RPH3A: variants seen among roughly 807,000 people sequenced by gnomAD.
RPH3A encodes rabphilin 3A, also known as rabphilin-3A.
Under a neutral mutation model 102.2 loss-of-function variants are expected in RPH3A, and 48 were observed. That is an observed-to-expected ratio of 0.47 (90% CI 0.37 to 0.60). The LOEUF (loss-of-function observed/expected upper bound fraction) is 0.60. Among genes scored for constraint, RPH3A ranks in the 20% least tolerant of loss-of-function variants. The pLI is 0.00. For synonymous variants in RPH3A, 310 were observed against 324.3 expected (o/e 0.96, Z 0.47); for missense variants, 781 against 910.1 (o/e 0.86, Z 1.83).
chr12:112,604,448 A>G (rs2039580994), intron 1 of RPH3A, among the ~76,000 whole-genome samples: 1 of 152,208 alleles, frequency 6.6e-6, no homozygotes, highest in Admixed American at 6.5e-5. Context: ...TATATTCAGC[A>G]ACTACAACAT....
intron 16 of RPH3A, among the ~76,000 whole-genome samples, chr12:112,886,267 T>A (rs572523510): frequency 6.6e-6 from 1 of 152,252 alleles, no homozygotes; most frequent in South Asian, 2.1e-4. Flanking sequence ...TGACTGGTCC[T>A]TTTGGTCTCC....
chr12:112,866,686 T>C, intron 6 of RPH3A, 71 bp from the exon 7 acceptor site: 1 of 1,256,058 alleles, frequency 8.0e-7, no homozygotes, highest in Non-Finnish European at 1.1e-6. Flanking sequence ...CAAGAGAAAG[T>C]GGGGGGCTAC....
intron 7 of RPH3A, among the ~76,000 whole-genome samples, chr12:112,867,345 T>A (rs1328259855): frequency 6.6e-6 from 1 of 152,170 alleles, no homozygotes; most frequent in African/African-American, 2.4e-5. Flanking sequence ...TTCTTACTCA[T>A]CTTACCCCAA....
chr12:112,676,860 C>T (rs2040178522), intron 1 of RPH3A, among the ~76,000 whole-genome samples: 1 of 152,068 alleles, frequency 6.6e-6, no homozygotes, highest in African/African-American at 2.4e-5. Flanking sequence ...GAAAGAGAAG[C>T]AGCTGGAGAT....
At chr12:112,577,670 C>T (rs999070692) in intron 1 of RPH3A, among the ~76,000 whole-genome samples, 1 of 151,904 alleles carries the variant, frequency 6.6e-6, no homozygotes, top group South Asian at 2.1e-4. Flanking sequence ...GATGGAGTTG[C>T]TCTGGTTCAA....
At chr12:112,665,239 C>T (rs1254197726) in intron 1 of RPH3A, among the ~76,000 whole-genome samples, 2 of 152,198 alleles carry the variant, frequency 1.3e-5, no homozygotes, top group East Asian at 3.9e-4. Flanking sequence ...TGGCCTCCAA[C>T]TTGGACTCCA....
At chr12:112,667,580 A>G (rs2040093623) in intron 1 of RPH3A, among the ~76,000 whole-genome samples, 1 of 151,624 alleles carries the variant, frequency 6.6e-6, no homozygotes, top group Non-Finnish European at 1.5e-5. Flanking sequence ...AAAGATGTGA[A>G]TGAAGAGAAC....
chr12:112,639,644 G>A (rs1592920595), intron 1 of RPH3A, among the ~76,000 whole-genome samples: 1 of 152,138 alleles, frequency 6.6e-6, no homozygotes, highest in South Asian at 2.1e-4. Flanking sequence ...AACTTGAAAT[G>A]AAAGTTGAAG....
At chr12:112,812,834 T>A (rs2041603165) in intron 2 of RPH3A, among the ~76,000 whole-genome samples, 1 of 152,250 alleles carries the variant, frequency 6.6e-6, no homozygotes, top group South Asian at 2.1e-4. Context: ...TTCTGATTTC[T>A]ATCTCTTTGC....
intron 1 of RPH3A, among the ~76,000 whole-genome samples, chr12:112,679,560 G>A (rs1248040889): frequency 6.6e-6 from 1 of 152,108 alleles, no homozygotes; most frequent in East Asian, 1.9e-4. Context: ...TGAGTAGTTG[G>A]GATTACAGGC....
At chr12:112,825,520 A>G (rs913827012) in intron 2 of RPH3A, among the ~76,000 whole-genome samples, 2 of 151,452 alleles carry the variant, frequency 1.3e-5, no homozygotes, top group Non-Finnish European at 2.9e-5. Context: ...TGCAATCTCC[A>G]CGTGGTCTCT....
At chr12:112,827,962 A>G (rs938839285) in intron 2 of RPH3A, among the ~76,000 whole-genome samples, 1 of 152,096 alleles carries the variant, frequency 6.6e-6, no homozygotes, top group African/African-American at 2.4e-5. Context: ...TGACTTGCTC[A>G]GTAGAAAGAC....
At chr12:112,580,530 A>C (rs1280198921) in intron 1 of RPH3A, among the ~76,000 whole-genome samples, 6 of 148,254 alleles carry the variant, frequency 4.0e-5, no homozygotes, top group African/African-American at 1.5e-4. Context: ...CAGCCTCCCG[A>C]GTAGCTGGGA....
chr12:112,820,556 T>C (rs138869249), intron 2 of RPH3A, among the ~76,000 whole-genome samples: 36 of 152,266 alleles, frequency 2.4e-4, no homozygotes, highest in African/African-American at 8.4e-4. Context: ...TAATGGGTGT[T>C]TGGGAGAGTT....
At chr12:112,787,896 G>A (rs1461841464), upstream of RPH3A, among the ~76,000 whole-genome samples, 1 of 152,192 alleles carries the variant, frequency 6.6e-6, no homozygotes, top group Admixed American at 6.5e-5. Context: ...GGCTGCCTCT[G>A]CTCCATAAAA....
intron 1 of RPH3A, among the ~76,000 whole-genome samples, chr12:112,614,589 G>GAGGTGAGA (rs2039663436): frequency 6.7e-6 from 1 of 148,246 alleles, no homozygotes; most frequent in South Asian, 2.2e-4. Flanking sequence ...TTGGGAGGCT[G>GAGGTGAGA]AGGTGAGAGA....
intron 1 of RPH3A, among the ~76,000 whole-genome samples, chr12:112,784,700 T>C: frequency 6.6e-6 from 1 of 152,198 alleles, no homozygotes; most frequent in East Asian, 1.9e-4. Flanking sequence ...GAGCCAGTTA[T>C]AATGTAGGGT....
chr12:112,860,934 A>G (rs2042500651), intron 5 of RPH3A, among the ~76,000 whole-genome samples: 1 of 152,248 alleles, frequency 6.6e-6, no homozygotes, highest in South Asian at 2.1e-4. Flanking sequence ...ATAAAATTTT[A>G]TAATTCTATG....
intron 1 of RPH3A, among the ~76,000 whole-genome samples, chr12:112,784,289 C>G (rs2041028771): frequency 1.3e-5 from 2 of 152,124 alleles, no homozygotes; most frequent in Non-Finnish European, 2.9e-5. Context: ...CAGTCCAGCT[C>G]AGGTCCAACC....
Sources: allele counts gnomAD v4.1 joint callset (sites outside exome capture counted in the v4.1 genomes callset), GRCh38; gene constraint gnomAD v4.1.1; transcripts MANE v1.5; gene names NCBI Gene and HGNC (gene_info 2026-07-23, HGNC 2026-07-21).